Variants in TMEM131L observed in about 807,000 individuals in gnomAD.
TMEM131L encodes the protein transmembrane protein 131-like.
A neutral mutation model predicts 192.2 loss-of-function variants in TMEM131L; 54 were observed. That is an observed-to-expected ratio of 0.28 (90% CI 0.23 to 0.35). The LOEUF (loss-of-function observed/expected upper bound fraction) is 0.35, where lower values mean the gene tolerates loss of function less well. Among genes scored for constraint, TMEM131L ranks in the 10% least tolerant of loss-of-function variants. TMEM131L has a pLI of 1.00. For synonymous variants in TMEM131L, 701 were observed against 704.9 expected (o/e 0.99, Z 0.09); for missense variants, 1,888 against 1,972.9 (o/e 0.96, Z 0.82).
rs1580198806 is a variant in TMEM131L, at chr4:153,552,763, G to A, written c.308+2622G>A. The stretch of plus-strand genomic sequence containing the variant: ...GCAGGAGGATCACTTGAGTCCAGGA[G>A]TTCAAGGTTACTGTGAGCTATGATC... On this transcript the variant is annotated intron_variant, in intron 4 of 34. Coordinates refer to ENST00000409959, the MANE Select transcript of TMEM131L (RefSeq NM_001131007.2). Among the ~76,000 whole-genome samples, 4 of 152,078 alleles carry A rather than the reference G, an allele frequency of 2.6e-5. No individual in the cohort carries two copies. In the South Asian group the frequency reaches 8.3e-4, roughly 32 times the overall value.
At chr4:153,565,546 T>C (rs554344698) in intron 7 of TMEM131L, among the ~76,000 whole-genome samples, 6 of 152,360 alleles carry the variant, frequency 3.9e-5, no homozygotes, top group Admixed American at 3.9e-4. Flanking sequence ...TCCTTGGCAG[T>C]GCCAGCTCAG....
chr4:153,476,654 A>G (rs1005882551), intron 3 of TMEM131L, among the ~76,000 whole-genome samples: 21 of 152,256 alleles, frequency 1.4e-4, no homozygotes, highest in Admixed American at 3.3e-4. Flanking sequence ...CTGAGATCGC[A>G]CCACTGCACT....
intron 2 of TMEM131L, 65 bp from the exon 3 acceptor site, chr4:153,473,780 A>C: frequency 7.5e-7 from 1 of 1,330,524 alleles, no homozygotes; most frequent in Non-Finnish European, 1.0e-6. Context: ...TGACAGAGCG[A>C]GACTCTGTCT....
At chr4:153,530,602 T>C (rs1735823585) in intron 3 of TMEM131L, among the ~76,000 whole-genome samples, 1 of 152,186 alleles carries the variant, frequency 6.6e-6, no homozygotes, top group Non-Finnish European at 1.5e-5. Context: ...CAAGTACCTT[T>C]AAAAGGTATT....
Position 153,627,615 on chromosome 4 carries a change from A to G in TMEM131L, c.4135A>G (p.Ser1379Gly). 1.9e-6 allele frequency: 3 copies of G among 1,613,904 alleles called. No individual in the cohort carries two copies. The highest frequency in any genetic ancestry group is 2.5e-6 in the Non-Finnish European group (3 of 1,179,820). ...HNICNPMTVN[S>G]LPQYAEPSCP... ...CCCTCTTCCCCACAGGACCGTGAAT[A>G]GTCTCCCACAATACGCAGAGCCTTC... The change falls in exon 31 of 35, where the codon AGT becomes GGT. Residue 1379 changes from serine (S) to glycine (G), a missense_variant. Transcript: ENST00000409959.
intron 3 of TMEM131L, among the ~76,000 whole-genome samples, chr4:153,529,022 A>G (rs760102002): frequency 2.6e-4 from 39 of 151,948 alleles, no homozygotes; most frequent in South Asian, 1.0e-3. Flanking sequence ...AGAACCTTCC[A>G]TTGCTTTTAT....
intron 17 of TMEM131L, among the ~76,000 whole-genome samples, chr4:153,592,104 T>C (rs1731107508): frequency 6.6e-6 from 1 of 152,136 alleles, no homozygotes; most frequent in South Asian, 2.1e-4. Context: ...GATGCTGTTA[T>C]TTAATCTACA....
At position 153,554,061 on chromosome 4, in the gene TMEM131L, T is replaced by C. The variant is rs1200109327; in HGVS notation, c.309-1726T>C. The C allele has an allele frequency of 2.0e-5, 3 of 152,218 alleles. No individual in the cohort carries two copies. The East Asian group carries it at 5.8e-4, about 29-fold the overall frequency. 9.4% of individuals were successfully genotyped at this position (152,218 alleles called of 1,614,324 possible). On this transcript the variant is annotated intron_variant, in intron 4 of 34. Transcript: ENST00000409959. The stretch of plus-strand genomic sequence containing the variant: ...TGTATTTCTCTGATAGACATTTGTA[T>C]TCTTAGAAACCTTGTATTTCAATTA...
chr4:153,509,724 TC>T (rs1228081858), intron 3 of TMEM131L, among the ~76,000 whole-genome samples: 1 of 152,084 alleles, frequency 6.6e-6, no homozygotes, highest in Non-Finnish European at 1.5e-5. Context: ...CTCCAAAAAC[TC>T]CCAAACACCT....
intron 21 of TMEM131L, among the ~76,000 whole-genome samples, chr4:153,600,949 AAAAAT>A (rs899134220): frequency 6.6e-6 from 1 of 152,098 alleles, no homozygotes; most frequent in African/African-American, 2.4e-5. Flanking sequence ...TGTCTCTACT[AAAAAT>A]ACAAAATTAG....
In TMEM131L at chr4:153,623,214, C is replaced by T. The variant is rs1369834374; in HGVS notation, c.4045+131C>T. 3 of 741,640 alleles carry T rather than the reference C, an allele frequency of 4.0e-6. No homozygotes were observed. The African/African-American group carries it at 5.5e-5, about 14-fold the overall frequency. The allele number at this position is 741,640 out of a possible 1,614,324, so 45.9% of individuals were successfully genotyped here. A position where few individuals can be genotyped will look rare whatever the true frequency, so the allele number is the denominator to read the frequency against. On this transcript the variant is annotated intron_variant, in intron 29 of 34. Transcript: ENST00000409959. Reference sequence around the variant, plus strand: ...GATGGGACAGTGGCCTTGACCTTTGCTTTGGACTTACTCACTTTCTTTTTC... The same window carrying T: ...GATGGGACAGTGGCCTTGACCTTTGTTTTGGACTTACTCACTTTCTTTTTC...
intron 7 of TMEM131L, among the ~76,000 whole-genome samples, chr4:153,572,528 A>G (rs1244528750): frequency 3.3e-5 from 5 of 151,810 alleles, no homozygotes; most frequent in African/African-American, 1.2e-4. Flanking sequence ...ATGGGGTTTC[A>G]CCATGTTGGT....
At chr4:153,472,720 T>C (rs546179532) in intron 2 of TMEM131L, among the ~76,000 whole-genome samples, 14 of 152,280 alleles carry the variant, frequency 9.2e-5, no homozygotes, top group African/African-American at 3.1e-4. Flanking sequence ...TGTACCACTC[T>C]GAAAGGGCAA....
intron 34 of TMEM131L, 143 bp from the exon 35 acceptor site, chr4:153,636,158 A>T: frequency 4.7e-6 from 4 of 844,054 alleles, no homozygotes; most frequent in East Asian, 2.6e-5. Flanking sequence ...AAATGGAGTT[A>T]AAGCAACCCA....
chr4:153,634,202 T>C lies in TMEM131L; in HGVS notation c.4339T>C (p.Trp1447Arg). ...SAPVHNSFID[W>R]SATCEGQFSS... ...TGTTTTTTGTGGCAGTTTCATTGATTGGAGTGCAACATGCGAAGGCCAGTT... is the reference window on the plus strand; with the variant it reads ...TGTTTTTTGTGGCAGTTTCATTGATCGGAGTGCAACATGCGAAGGCCAGTT... The change falls in exon 33 of 35, where the codon TGG becomes CGG. Residue 1447 changes from tryptophan to arginine, a missense_variant. By Grantham distance (101) the Trp-to-Arg change is moderately radical. Transcript: ENST00000409959. 6.2e-7 allele frequency: 1 copy of C among 1,614,042 alleles called. No homozygotes were observed. Among genetic ancestry groups the C allele is most frequent in the Non-Finnish European group, 8.5e-7 (1 of 1,179,882 alleles).
chr4:153,489,976 A>G (rs1732651035), intron 3 of TMEM131L, among the ~76,000 whole-genome samples: 1 of 151,922 alleles, frequency 6.6e-6, no homozygotes, highest in South Asian at 2.1e-4. Flanking sequence ...TTAATTTAGC[A>G]AATGAATACG....
At position 153,603,951 on chromosome 4, in the gene TMEM131L, A is replaced by G. The variant is rs1191545515; in HGVS notation, c.2939A>G (p.Lys980Arg). ...ATYGHSQKKH[K>R]CSVYYSKHKT... ...TATGGTCATTCTCAGAAGAAGCACA[A>G]ATGCTCAGTGTATTACAGTAAACAC... is the stretch of plus-strand genomic sequence containing the variant. The change falls in exon 25 of 35, where the codon AAA (lysine) becomes AGA (arginine). Residue 980 changes from lysine to arginine, a missense_variant. Lys to Arg is a conservative substitution (Grantham distance 26, BLOSUM62 2). Transcript: ENST00000409959. The G allele has an allele frequency of 1.9e-6, 3 of 1,613,926 alleles. No homozygotes were observed. The highest frequency in any genetic ancestry group is 2.2e-5 in the East Asian group (1 of 44,864).
At chr4:153,615,105 C>G (rs540167153) in intron 26 of TMEM131L, among the ~76,000 whole-genome samples, 12 of 152,300 alleles carry the variant, frequency 7.9e-5, no homozygotes, top group African/African-American at 2.9e-4. Context: ...ATCATGTATT[C>G]ATTCTATAAT....
At chr4:153,601,092 A>G (rs988060710) in intron 21 of TMEM131L, among the ~76,000 whole-genome samples, 3 of 150,728 alleles carry the variant, frequency 2.0e-5, no homozygotes, top group Non-Finnish European at 4.4e-5. Flanking sequence ...CCTGGGTGAC[A>G]GAACAAGACT....
Sources: allele counts gnomAD v4.1 joint callset (sites outside exome capture counted in the v4.1 genomes callset), GRCh38; gene constraint gnomAD v4.1.1; transcripts MANE v1.5; gene names NCBI Gene and HGNC (gene_info 2026-07-23, HGNC 2026-07-21).